Variants in KCNQ1 observed in about 807,000 individuals in gnomAD.
KCNQ1 encodes potassium voltage-gated channel subfamily Q member 1, also known as potassium voltage-gated channel subfamily KQT member 1.
KCNQ1 carries 49 observed loss-of-function variants against 72.4 expected under a neutral mutation model. The ratio of observed to expected loss-of-function variants is 0.68; its 90% CI spans 0.54 to 0.86. The LOEUF (loss-of-function observed/expected upper bound fraction) is 0.86, where lower values mean the gene tolerates loss of function less well. KCNQ1 is among the 40% of genes least tolerant of loss of function. The pLI is 0.00. For missense variants in KCNQ1, 790 were observed against 945.1 expected (o/e 0.84, Z 2.15); for synonymous variants, 450 against 412.6 (o/e 1.09, Z -1.10).
chr11:2,761,396 C>T (rs547929991), intron 11 of KCNQ1, among the ~76,000 whole-genome samples: 2 of 152,300 alleles, frequency 1.3e-5, no homozygotes, highest in African/African-American at 4.8e-5. Context: ...GCTTGTGTGT[C>T]TGCCCACTAA....
At chr11:2,731,580 C>T (rs560801081) in intron 11 of KCNQ1, among the ~76,000 whole-genome samples, 8 of 152,262 alleles carry the variant, frequency 5.3e-5, no homozygotes, top group Non-Finnish European at 8.8e-5. Context: ...GAGTCCCCTT[C>T]GCTGCTTGAG....
At position 2,659,259 on chromosome 11, in the gene KCNQ1, C is replaced by G; in HGVS notation, c.1394-2702C>G. 1 of 398,624 alleles carries G rather than the reference C, an allele frequency of 2.5e-6. No homozygotes were observed. 24.7% of individuals were successfully genotyped at this position (398,624 alleles called of 1,614,324 possible). A position where few individuals can be genotyped will look rare whatever the true frequency, so the allele number is the denominator to read the frequency against. On this transcript the variant is annotated intron_variant, in intron 10 of 15. Coordinates refer to ENST00000155840, the MANE Select transcript of KCNQ1 (RefSeq NM_000218.3). The surrounding 1 kb of genome is among the most constrained non-coding windows in gnomAD (Gnocchi z 4.3). ...TACCCTGGGGTGAGTCTTTTGAAGT[C>G]AAGTACTTCTCCCCTAACCACTGGC...
At chr11:2,775,823 G>T in intron 12 of KCNQ1, 137 bp from the exon 13 acceptor site, 4 of 829,640 alleles carry the variant, frequency 4.8e-6, no homozygotes, top group South Asian at 4.3e-5. Flanking sequence ...TTGGAACCAG[G>T]CTTATGCCAT....
intron 1 of KCNQ1, among the ~76,000 whole-genome samples, chr11:2,525,337 G>T (rs1011639187): frequency 1.3e-5 from 2 of 152,248 alleles, no homozygotes; most frequent in African/African-American, 4.8e-5. Flanking sequence ...CCTACGGAGG[G>T]CTCCCCACAG....
Position 2,684,152 on chromosome 11 carries a change from C to T in KCNQ1, c.1514+22071C>T, listed in dbSNP as rs191155054. On this transcript the variant is annotated intron_variant, in intron 11 of 15. Transcript: ENST00000155840. ...CGTTTCCCTTGAAGAATGGGGTACA[C>T]CAGAGGACTTAGGAAGAGAAGCGCC... 2.8e-3 allele frequency: 1,115 copies of T among 398,606 alleles called. 3 individuals carry two copies. The highest frequency in any genetic ancestry group is 3.9e-3 in the Non-Finnish European group (880 of 226,084). The allele number at this position is 398,606 out of a possible 1,614,324, so 24.7% of individuals were successfully genotyped here.
chr11:2,766,987 G>A lies in KCNQ1; in HGVS notation c.1515-1857G>A, dbSNP rs1846509473. 6.6e-6 allele frequency among the ~76,000 whole-genome samples: 1 copy of A among 152,144 alleles called. No homozygotes were observed. The highest frequency in any genetic ancestry group is 1.5e-5 in the Non-Finnish European group (1 of 68,022). Reference sequence around the variant, plus strand: ...AGGTCAAGAGATCAACACCATCCTAGCCAACATGATCAAACCCTGTCTCTA... The same window carrying A: ...AGGTCAAGAGATCAACACCATCCTAACCAACATGATCAAACCCTGTCTCTA... On this transcript the variant is annotated intron_variant, in intron 11 of 15. Coordinates refer to ENST00000155840, the MANE Select transcript of KCNQ1 (RefSeq NM_000218.3). The surrounding 1 kb of genome is among the most constrained non-coding windows in gnomAD (Gnocchi z 4.4).
At chr11:2,557,473 CT>C (rs941679572) in intron 2 of KCNQ1, among the ~76,000 whole-genome samples, 2 of 152,160 alleles carry the variant, frequency 1.3e-5, no homozygotes, top group African/African-American at 4.8e-5. Context: ...GAAATAACTC[CT>C]GTTCTTGTTA....
rs537629719 is a variant in KCNQ1 at position 2,673,159 on chromosome 11, C to G, written c.1514+11078C>G. 2.5e-6 allele frequency: 1 copy of G among 398,696 alleles called. No homozygotes were observed. The highest frequency in any genetic ancestry group is 3.6e-5 in the East Asian group (1 of 28,074). The allele number at this position is 398,696 out of a possible 1,614,324, so 24.7% of individuals were successfully genotyped here. ...GTGCTGACCATCCCTGACCCAAGCA[C>G]GAGGATCAGAATGGGCCCTGGAGCC... On this transcript the variant is annotated intron_variant, in intron 11 of 15. Transcript: ENST00000155840. This position sits in a 1 kb window ranked among gnomAD's most constrained non-coding sequence, Gnocchi z 4.5.
intron 10 of KCNQ1, chr11:2,648,478 T>C (rs1205013504): frequency 5.0e-6 from 2 of 398,416 alleles, no homozygotes; most frequent in African/African-American, 4.1e-5. Context: ...GTTTCTATTT[T>C]CATTTGTTTC....
At chr11:2,763,679 T>A (rs1846448199) in intron 11 of KCNQ1, among the ~76,000 whole-genome samples, 1 of 152,166 alleles carries the variant, frequency 6.6e-6, no homozygotes, top group African/African-American at 2.4e-5. Context: ...CATCTCAGCC[T>A]CCTGAGTAGC....
chr11:2,616,191 C>T (rs1259224524), intron 10 of KCNQ1: 3 of 396,550 alleles, frequency 7.6e-6, no homozygotes, highest in Admixed American at 4.4e-5. Context: ...TCAGTTATAT[C>T]GTTCCCACTT....
rs1328167373 is a variant in KCNQ1, at chr11:2,734,832, A to G, written c.1515-34012A>G. Among the ~76,000 whole-genome samples the G allele has an allele frequency of 8.6e-5, 13 of 151,904 alleles. No homozygotes were observed. Among genetic ancestry groups the G allele is most frequent in the Admixed American group, 8.5e-4 (13 of 15,264 alleles). On this transcript the variant is annotated intron_variant, in intron 11 of 15. Coordinates refer to ENST00000155840, the MANE Select transcript of KCNQ1 (RefSeq NM_000218.3). The surrounding 1 kb of genome is among the most constrained non-coding windows in gnomAD (Gnocchi z 7.0). ...CAGCCTCAGTTTCCCCCACTGTGAA[A>G]TAGGGATGACCTCCTGTGCTGGGGC...
chr11:2,643,080 A>G (rs1849604997), intron 10 of KCNQ1: 8 of 398,056 alleles, frequency 2.0e-5, no homozygotes, highest in South Asian at 1.3e-4. Flanking sequence ...GTGTCCTAAC[A>G]TATAATGTAT....
At position 2,478,615 on chromosome 11, in the gene KCNQ1, G is replaced by A. The variant is rs898882682; in HGVS notation, c.386+33131G>A. On this transcript the variant is annotated intron_variant, in intron 1 of 15. Transcript: ENST00000155840. This position sits in a 1 kb window ranked among gnomAD's most constrained non-coding sequence, Gnocchi z 4.0. ...CCCCCATGATTCAATTATCTCCCAC[G>A]AGGTCCCTCCCATGACACGTGGGAA... is the stretch of plus-strand genomic sequence containing the variant. Among the ~76,000 whole-genome samples the A allele has an allele frequency of 1.3e-5, 2 of 151,950 alleles. No individual in the cohort carries two copies. Among genetic ancestry groups the A allele is most frequent in the South Asian group, 2.1e-4 (1 of 4,808 alleles).
At chr11:2,633,962 T>C in intron 10 of KCNQ1, 2 of 398,626 alleles carry the variant, frequency 5.0e-6, no homozygotes, top group Non-Finnish European at 8.8e-6. Flanking sequence ...AATGAACCTA[T>C]ACAGTTCAAA....
rs1178034395 is a variant in KCNQ1 at position 2,562,769 on chromosome 11, G to A, written c.478-7859G>A. Among the ~76,000 whole-genome samples, 1 of 152,158 alleles carries A rather than the reference G, an allele frequency of 6.6e-6. No homozygotes were observed. Among genetic ancestry groups the A allele is most frequent in the Non-Finnish European group, 1.5e-5 (1 of 68,036 alleles). On this transcript the variant is annotated intron_variant, in intron 2 of 15. Coordinates refer to ENST00000155840, the MANE Select transcript of KCNQ1 (RefSeq NM_000218.3). This position sits in a 1 kb window ranked among gnomAD's most constrained non-coding sequence, Gnocchi z 7.5. ...AGGTCCCCAGGCCTAAGTCTATGGGGGCGCCAGGGAGGCCGGCTGTGTTTC... is the reference window on the plus strand; with the variant it reads ...AGGTCCCCAGGCCTAAGTCTATGGGAGCGCCAGGGAGGCCGGCTGTGTTTC...
At chr11:2,692,978 C>T (rs1850613120) in intron 11 of KCNQ1, 1 of 398,534 alleles carries the variant, frequency 2.5e-6, no homozygotes, top group Non-Finnish European at 4.4e-6. Flanking sequence ...CTGAACTCTC[C>T]TGGTTTCCAG....
rs991052780 is a variant in KCNQ1, at chr11:2,620,311, G to A, written c.1393+31457G>A. ...GGCTCACTGCAGCCTCCGCCTACCGGGTTCAAGTGATTCTCCTGCCTCAGC... is the reference window on the plus strand; with the variant it reads ...GGCTCACTGCAGCCTCCGCCTACCGAGTTCAAGTGATTCTCCTGCCTCAGC... On this transcript the variant is annotated intron_variant, in intron 10 of 15. Coordinates refer to ENST00000155840, the MANE Select transcript of KCNQ1 (RefSeq NM_000218.3). The surrounding 1 kb of genome is among the most constrained non-coding windows in gnomAD (Gnocchi z 4.5). The A allele has an allele frequency of 1.5e-5, 3 of 205,336 alleles. No homozygotes were observed. The highest frequency in any genetic ancestry group is 2.8e-5 in the Non-Finnish European group (3 of 105,500). The allele number at this position is 205,336 out of a possible 1,614,324, so 12.7% of individuals were successfully genotyped here. A position where few individuals can be genotyped will look rare whatever the true frequency, so the allele number is the denominator to read the frequency against.
chr11:2,517,590 C>A (rs1847309240), intron 1 of KCNQ1, among the ~76,000 whole-genome samples: 1 of 152,194 alleles, frequency 6.6e-6, no homozygotes, highest in African/African-American at 2.4e-5. Flanking sequence ...GGCGTGGCAA[C>A]CAGGTGGGAT....
Sources: gnomAD v4.1 joint callset for allele counts (sites outside exome capture counted in the v4.1 genomes callset) on GRCh38, gnomAD v4.1.1 for gene constraint, Gnocchi (gnomAD v3.1) non-coding constraint, MANE v1.5 for transcripts, NCBI Gene and HGNC (gene_info 2026-07-23, HGNC 2026-07-21) for gene names.